Variants in EVL observed in about 807,000 individuals in gnomAD.
EVL encodes the protein ena/VASP-like protein.
EVL carries 21 observed loss-of-function variants against 59.6 expected under a neutral mutation model. The observed-to-expected ratio is 0.35, with a 90% CI of 0.25 to 0.51. The LOEUF (loss-of-function observed/expected upper bound fraction) is 0.51. EVL is among the 20% of genes least tolerant of loss of function. The probability of loss-of-function intolerance (pLI) is 0.97; values close to 1 mark genes in which losing one functional copy is unlikely to be tolerated. For synonymous variants in EVL, 198 were observed against 203.5 expected (o/e 0.97, Z 0.23); for missense variants, 462 against 546.6 (o/e 0.85, Z 1.54).
chr14:100,081,776 A>G (rs1224247263), intron 1 of EVL, among the ~76,000 whole-genome samples: 1 of 152,064 alleles, frequency 6.6e-6, no homozygotes, highest in Admixed American at 6.6e-5. Context: ...TCCTGAATTC[A>G]TCTTAAAACC....
chr14:99,975,954 C>G (rs2060767496), intron 1 of EVL, among the ~76,000 whole-genome samples: 1 of 152,134 alleles, frequency 6.6e-6, no homozygotes, highest in Admixed American at 6.5e-5. Context: ...CCCTCCTCTG[C>G]TGTATATAAT....
At chr14:100,012,883 A>T (rs541104321) in intron 1 of EVL, among the ~76,000 whole-genome samples, 5 of 152,370 alleles carry the variant, frequency 3.3e-5, no homozygotes, top group Admixed American at 2.0e-4. Context: ...CTTGTGAAAG[A>T]TTAGGACTAA....
At chr14:100,118,503 G>A (rs1887492480) in intron 3 of EVL, among the ~76,000 whole-genome samples, 1 of 152,210 alleles carries the variant, frequency 6.6e-6, no homozygotes, top group East Asian at 1.9e-4. Context: ...TCATGTCCCT[G>A]CTTGCAGAAT....
chr14:99,999,046 GTAA>G (rs1407771198), intron 1 of EVL, among the ~76,000 whole-genome samples: 2 of 124,018 alleles, frequency 1.6e-5, no homozygotes, highest in African/African-American at 3.5e-5. Flanking sequence ...ATAAATTATA[GTAA>G]TTTATAAATT....
chr14:100,114,905 A>G lies in EVL; in HGVS notation c.359-8634A>G, dbSNP rs1441337845. 2.0e-5 allele frequency among the ~76,000 whole-genome samples: 3 copies of G among 151,954 alleles called. No individual in the cohort carries two copies. Among genetic ancestry groups the G allele is most frequent in the African/African-American group, 7.2e-5 (3 of 41,406 alleles). On this transcript the variant is annotated intron_variant, in intron 3 of 13. Coordinates refer to ENST00000392920, the MANE Select transcript of EVL (RefSeq NM_016337.3). This position sits in a 1 kb window ranked among gnomAD's most constrained non-coding sequence, Gnocchi z 5.0. ...GGCAGGGTGGAAGCAGCAGCTGGGTACTGGGAGGCCTGAGCTTCTGTTCCA... is the reference window on the plus strand; with the variant it reads ...GGCAGGGTGGAAGCAGCAGCTGGGTGCTGGGAGGCCTGAGCTTCTGTTCCA...
At chr14:100,085,991 TG>T (rs1281764542) in intron 2 of EVL, among the ~76,000 whole-genome samples, 1 of 152,004 alleles carries the variant, frequency 6.6e-6, no homozygotes, top group Non-Finnish European at 1.5e-5. Context: ...TAGCCGGGCG[TG>T]GTGGCGGGCA....
chr14:100,068,661 C>T (rs557377835), intron 1 of EVL, among the ~76,000 whole-genome samples: 45 of 152,250 alleles, frequency 3.0e-4, no homozygotes, highest in African/African-American at 1.1e-3. Flanking sequence ...GGTGCTGTAG[C>T]CTCCAGGACT....
chr14:99,999,543 A>G (rs2060933229), intron 1 of EVL, among the ~76,000 whole-genome samples: 1 of 152,222 alleles, frequency 6.6e-6, no homozygotes, highest in Admixed American at 6.5e-5. Context: ...CCTGTCTATA[A>G]TCACAGCTAT....
intron 1 of EVL, among the ~76,000 whole-genome samples, chr14:100,036,635 C>A (rs1028095021): frequency 6.6e-6 from 1 of 152,000 alleles, no homozygotes; most frequent in African/African-American, 2.4e-5. Flanking sequence ...CTGAATAATG[C>A]AAAACTGCAA....
Position 100,128,658 on chromosome 14 carries a change from C to T in EVL, c.627C>T (p.Ala209=), listed in dbSNP as rs756826325. ...ATPPPPPPLP[A]GGAQGSSHDE... is the part of the protein sequence containing the mutation. ...CACCTCCCCCACCCCCACTGCCAGC[C>T]GGAGGAGCCCAGGGGTCCAGCCACG... The change falls in exon 6 of 14, where the codon GCC becomes GCT. Residue 209 remains alanine (A), a synonymous_variant. Transcript: ENST00000392920. 1.0e-5 allele frequency: 16 copies of T among 1,597,568 alleles called. No homozygotes were observed. The highest frequency in any genetic ancestry group is 1.7e-5 in the Admixed American group (1 of 58,348).
rs528580533 is a variant in EVL at position 100,122,137 on chromosome 14, A to G, written c.359-1402A>G. ...TCCCGCCTCAGCCAGGATGAGTGGC[A>G]GTCAGGGGGCGGGGGGACACATGCC... On this transcript the variant is annotated intron_variant, in intron 3 of 13. Coordinates refer to ENST00000392920, the MANE Select transcript of EVL (RefSeq NM_016337.3). Among the ~76,000 whole-genome samples, 3 of 152,330 alleles carry G rather than the reference A, an allele frequency of 2.0e-5. No homozygotes were observed. The East Asian group carries it at 5.8e-4, about 29-fold the overall frequency.
chr14:99,985,295 T>TTA (rs2060832972), intron 1 of EVL, among the ~76,000 whole-genome samples: 1 of 151,904 alleles, frequency 6.6e-6, no homozygotes, highest in Non-Finnish European at 1.5e-5. Flanking sequence ...ATAATTTTTA[T>TTA]TTATTATTAT....
At chr14:100,105,971 C>G (rs1317628304) in intron 3 of EVL, 3 of 152,286 alleles carry the variant, frequency 2.0e-5, no homozygotes, top group Non-Finnish European at 2.9e-5. Flanking sequence ...CTCTTGCCCC[C>G]ACTCAGCCTT....
At chr14:100,105,398 A>G (rs1198012078) in intron 3 of EVL, among the ~76,000 whole-genome samples, 1 of 152,002 alleles carries the variant, frequency 6.6e-6, no homozygotes, top group Non-Finnish European at 1.5e-5. Flanking sequence ...CTCTTGCCCT[A>G]GTCCCACCAT....
chr14:99,988,146 C>T (rs915285431), intron 1 of EVL, among the ~76,000 whole-genome samples: 2 of 151,974 alleles, frequency 1.3e-5, no homozygotes, highest in Non-Finnish European at 2.9e-5. Context: ...AAACTCCCGA[C>T]TTCAGGTGAT....
chr14:100,041,573 A>G (rs574238384), intron 1 of EVL, among the ~76,000 whole-genome samples: 2 of 152,214 alleles, frequency 1.3e-5, no homozygotes, highest in Non-Finnish European at 2.9e-5. Context: ...TGATTGTAAT[A>G]AATGTGAAGA....
intron 3 of EVL, among the ~76,000 whole-genome samples, chr14:100,115,790 C>T (rs1887305311): frequency 6.6e-6 from 1 of 152,222 alleles, no homozygotes; most frequent in Non-Finnish European, 1.5e-5. Flanking sequence ...CGCCGGGTTC[C>T]TTTAAGCAAG....
intron 11 of EVL, 196 bp downstream of exon 11, chr14:100,137,998 G>T: frequency 1.6e-6 from 1 of 614,722 alleles, no homozygotes; most frequent in Non-Finnish European, 2.9e-6. Flanking sequence ...CTCTGAGAGA[G>T]AGACCAAGGG....
intron 3 of EVL, chr14:100,107,130 G>T: frequency 2.5e-6 from 1 of 398,770 alleles, no homozygotes; most frequent in Admixed American, 4.4e-5. Flanking sequence ...TCAGGGCCGT[G>T]CCCCATGCTG....
Sources: allele counts gnomAD v4.1 joint callset (sites outside exome capture counted in the v4.1 genomes callset), GRCh38; gene constraint gnomAD v4.1.1; non-coding constraint Gnocchi (gnomAD v3.1); transcripts MANE v1.5; gene names NCBI Gene and HGNC (gene_info 2026-07-23, HGNC 2026-07-21).